TRAF2: variants seen among roughly 807,000 people sequenced by gnomAD.
The protein encoded by TRAF2 is TNF receptor-associated factor 2.
TRAF2 carries 6 observed loss-of-function variants against 55.6 expected under a neutral mutation model. The observed-to-expected ratio is 0.11, with a 90% confidence interval of 0.06 to 0.21. TRAF2 has a LOEUF of 0.21. Ranked by LOEUF, TRAF2 falls within the 10% of genes least tolerant of loss-of-function variation. The pLI, the probability that TRAF2 is intolerant of heterozygous loss-of-function variation, is 1.00. For missense variants in TRAF2, 561 were observed against 684.5 expected (o/e 0.82, Z 2.01); for synonymous variants, 329 against 276.3 (o/e 1.19, Z -1.89).
chr9:136,914,319 C>A (rs1403053064), intron 6 of TRAF2, among the ~76,000 whole-genome samples: 1 of 152,224 alleles, frequency 6.6e-6, no homozygotes, highest in Non-Finnish European at 1.5e-5. Context: ...ATCGCACCCC[C>A]CATTCCCAGC....
chr9:136,902,795 G>T (rs868244349), intron 4 of TRAF2, among the ~76,000 whole-genome samples: 1 of 152,160 alleles, frequency 6.6e-6, no homozygotes, highest in Non-Finnish European at 1.5e-5. Flanking sequence ...TTTGCTCTCC[G>T]GGTGCTCGGA....
intron 4 of TRAF2, chr9:136,902,058 C>G (rs1055638427): frequency 6.6e-6 from 1 of 152,290 alleles, no homozygotes; most frequent in Admixed American, 6.5e-5. Context: ...GGAGCGGTAG[C>G]TCCAGGGCAC....
intron 6 of TRAF2, 58 bp downstream of exon 6, chr9:136,910,052 A>C: frequency 4.2e-6 from 5 of 1,183,844 alleles, no homozygotes; most frequent in Non-Finnish European, 6.2e-6. Flanking sequence ...GTTGGACGTG[A>C]GGGTCCCGTG....
intron 6 of TRAF2, among the ~76,000 whole-genome samples, chr9:136,911,559 C>T (rs905734884): frequency 1.3e-5 from 2 of 152,158 alleles, no homozygotes; most frequent in Non-Finnish European, 2.9e-5. Flanking sequence ...GCCACTGCCC[C>T]AGCCCATTGC....
chr9:136,905,173 C>T (rs995720422), intron 4 of TRAF2, among the ~76,000 whole-genome samples: 7 of 152,216 alleles, frequency 4.6e-5, no homozygotes, highest in Admixed American at 3.3e-4. Context: ...GAGCTGCTGA[C>T]CCCCACTCCC....
intron 3 of TRAF2, among the ~76,000 whole-genome samples, chr9:136,900,175 AAAAAAAAGAAT>A (rs1276746721): frequency 1.6e-5 from 2 of 125,450 alleles, no homozygotes; most frequent in East Asian, 4.4e-4. Flanking sequence ...CCTTTAAAAA[AAAAAAAAGAAT>A]AAAGGGCCGC....
chr9:136,886,599 G>A (rs1415943852), intron 1 of TRAF2, 58 bp downstream of exon 1: 53 of 977,192 alleles, frequency 5.4e-5, no homozygotes, highest in Non-Finnish European at 5.9e-5. Context: ...TCGGGTGCGG[G>A]GTCGGGCGCG....
chr9:136,920,120 C>T, intron 7 of TRAF2, 114 bp from the exon 8 acceptor site: 1 of 1,342,118 alleles, frequency 7.5e-7, no homozygotes, highest in Non-Finnish European at 9.9e-7. Context: ...GCATCCCTAT[C>T]TATGACCCTG....
rs920617965 is a variant in TRAF2 at position 136,926,325 on chromosome 9, C to T, written c.*424C>T. The stretch of plus-strand genomic sequence containing the variant: ...ATGACAGGCAGAAACGAGGGCTGCT[C>T]CAGGAGAAGGGCCTCCTGCTGGCCA... On this transcript the variant is annotated 3_prime_UTR_variant, in exon 11 of 11. Coordinates refer to ENST00000247668, the MANE Select transcript of TRAF2 (RefSeq NM_021138.4). 4 of 340,724 alleles carry T rather than the reference C, an allele frequency of 1.2e-5. No individual in the cohort carries two copies. Among genetic ancestry groups the T allele is most frequent in the East Asian group, 7.6e-5 (1 of 13,090 alleles). The allele number at this position is 340,724 out of a possible 1,614,324, so 21.1% of individuals were successfully genotyped here. A position where few individuals can be genotyped will look rare whatever the true frequency, so the allele number is the denominator to read the frequency against.
At chr9:136,891,457 T>C (rs2131276865) in intron 1 of TRAF2, among the ~76,000 whole-genome samples, 1 of 151,886 alleles carries the variant, frequency 6.6e-6, no homozygotes, top group East Asian at 1.9e-4. Flanking sequence ...TTCCCCAGGC[T>C]GGTCTTGAAC....
At chr9:136,887,465 T>C (rs1849479647) in intron 1 of TRAF2, among the ~76,000 whole-genome samples, 1 of 151,718 alleles carries the variant, frequency 6.6e-6, no homozygotes, top group Non-Finnish European at 1.5e-5. Context: ...GGGCTGAGGG[T>C]CAGTGCAGAA....
upstream of TRAF2, chr9:136,886,299 G>A: frequency 1.4e-6 from 1 of 733,628 alleles, no homozygotes; most frequent in Non-Finnish European, 1.7e-6. Flanking sequence ...CCGTCTCAGC[G>A]CCGACCAATC....
intron 7 of TRAF2, among the ~76,000 whole-genome samples, chr9:136,919,091 G>A (rs181971421): frequency 1.2e-3 from 56 of 45,576 alleles, no homozygotes; most frequent in African/African-American, 3.2e-3. Flanking sequence ...ACAGAGTCTC[G>A]CTCTGTTGGC....
intron 1 of TRAF2, chr9:136,898,427 A>G (rs1402190664): frequency 9.6e-6 from 2 of 208,484 alleles, no homozygotes; most frequent in Non-Finnish European, 1.7e-5. Context: ...CGTGGCAGGA[A>G]GCCCGTGCGT....
At chr9:136,895,189 G>A (rs1849654840) in intron 1 of TRAF2, among the ~76,000 whole-genome samples, 1 of 152,230 alleles carries the variant, frequency 6.6e-6, no homozygotes, top group African/African-American at 2.4e-5. Context: ...CCCCTTTCAG[G>A]TGAGCAGCTC....
intron 10 of TRAF2, among the ~76,000 whole-genome samples, chr9:136,924,555 G>T (rs537340918): frequency 1.3e-5 from 2 of 151,892 alleles, no homozygotes; most frequent in East Asian, 3.9e-4. Context: ...GAGCAAGAGG[G>T]GGCTCTAAAT....
At chr9:136,882,112 A>C, upstream of TRAF2, 1 of 908,134 alleles carries the variant, frequency 1.1e-6, no homozygotes, top group Non-Finnish European at 1.3e-6. Flanking sequence ...CAGCTTGGAC[A>C]TTCTGCCTCC....
intron 6 of TRAF2, among the ~76,000 whole-genome samples, chr9:136,910,334 T>G (rs1039696527): frequency 2.6e-5 from 4 of 152,196 alleles, no homozygotes; most frequent in Non-Finnish European, 4.4e-5. Context: ...TTACTGACTT[T>G]GAAGCTGAAT....
intron 7 of TRAF2, 91 bp downstream of exon 7, chr9:136,916,706 G>A: frequency 7.6e-7 from 1 of 1,311,296 alleles, no homozygotes; most frequent in Non-Finnish European, 1.1e-6. Flanking sequence ...TTTCCTTCCA[G>A]CTGCTCCTCA....
Sources: allele counts gnomAD v4.1 joint callset (sites outside exome capture counted in the v4.1 genomes callset), GRCh38; gene constraint gnomAD v4.1.1; transcripts MANE v1.5; gene names NCBI Gene and HGNC (gene_info 2026-07-23, HGNC 2026-07-21).